The following PIP5K1A variants were observed in gnomAD, a reference collection of about 807,000 sequenced individuals.
The protein encoded by PIP5K1A is phosphatidylinositol-4-phosphate 5-kinase type 1 alpha.
Under a neutral mutation model 72.9 loss-of-function variants are expected in PIP5K1A, and 46 were observed. That is an observed-to-expected ratio of 0.63 (90% CI 0.50 to 0.81). The LOEUF is 0.81. Ranked by LOEUF, PIP5K1A falls within the 30% of genes least tolerant of loss-of-function variation. The probability of loss-of-function intolerance (pLI) is 0.00; values close to 1 mark genes in which losing one functional copy is unlikely to be tolerated. For missense variants in PIP5K1A, 458 were observed against 706.1 expected (o/e 0.65, Z 3.98); for synonymous variants, 228 against 255.1 (o/e 0.89, Z 1.01).
intron 12 of PIP5K1A, 87 bp downstream of exon 12, chr1:151,240,126 G>A: frequency 2.2e-6 from 2 of 911,428 alleles, no homozygotes; most frequent in Non-Finnish European, 3.6e-6. Flanking sequence ...CCTCTGGTAG[G>A]GAGCTGCCAA....
chr1:151,223,156 C>G (rs146498845), intron 1 of PIP5K1A, among the ~76,000 whole-genome samples: 2,921 of 151,266 alleles, frequency 0.019, 71 homozygotes, highest in African/African-American at 0.053. Flanking sequence ...TTCAAGACCA[C>G]CCTGGCCGAC....
At chr1:151,225,901 T>C (rs1276740659) in intron 3 of PIP5K1A, among the ~76,000 whole-genome samples, 10 of 149,778 alleles carry the variant, frequency 6.7e-5, no homozygotes, top group African/African-American at 2.5e-4. Flanking sequence ...CTCAGCCTCC[T>C]GAGTAGCTGG....
chr1:151,220,218 A>G (rs746440740), intron 1 of PIP5K1A, among the ~76,000 whole-genome samples: 60 of 151,590 alleles, frequency 4.0e-4, no homozygotes, highest in Admixed American at 2.0e-4. Flanking sequence ...GCTAGCCAGG[A>G]TGATCTCGAT....
upstream of PIP5K1A, among the ~76,000 whole-genome samples, chr1:151,196,598 AG>A (rs1467382982): frequency 1.6e-5 from 2 of 122,562 alleles, no homozygotes; most frequent in Non-Finnish European, 3.2e-5. Context: ...CTTGTTGCCC[AG>A]GCTGGAGTGC....
intron 1 of PIP5K1A, among the ~76,000 whole-genome samples, chr1:151,204,899 C>T (rs902978970): frequency 4.6e-5 from 7 of 152,160 alleles, no homozygotes; most frequent in African/African-American, 1.7e-4. Flanking sequence ...TGTACTTACA[C>T]GTTAGCGTTG....
chr1:151,215,201 G>GT (rs957831470), intron 1 of PIP5K1A, among the ~76,000 whole-genome samples: 7 of 149,280 alleles, frequency 4.7e-5, no homozygotes, highest in South Asian at 2.1e-4. Context: ...ATGCTAATTG[G>GT]TTTTTTTTGT....
intron 1 of PIP5K1A, among the ~76,000 whole-genome samples, chr1:151,219,414 C>T (rs1415405453): frequency 6.6e-6 from 1 of 151,420 alleles, no homozygotes; most frequent in Non-Finnish European, 1.5e-5. Flanking sequence ...AGGGCTGGCC[C>T]GGTGGCTCAT....
At chr1:151,229,167 CAA>C (rs34356281) in intron 4 of PIP5K1A, among the ~76,000 whole-genome samples, 370 of 41,316 alleles carry the variant, frequency 9.0e-3, no homozygotes, top group African/African-American at 0.023. Context: ...GACCCCGTCT[CAA>C]AAAAAAAAAA....
rs587617931 is a variant in PIP5K1A at position 151,224,060 on chromosome 1, A to G, written c.86-185A>G. The G allele has an allele frequency of 7.0e-5, 44 of 624,984 alleles. 3 individuals carry two copies. In the South Asian group the frequency reaches 8.1e-4, roughly 12 times the overall value. 38.7% of individuals were successfully genotyped at this position (624,984 alleles called of 1,614,324 possible). A position where few individuals can be genotyped will look rare whatever the true frequency, so the allele number is the denominator to read the frequency against. On this transcript the variant is annotated intron_variant, in intron 1 of 15. Transcript: ENST00000368888. ...TAAAAATGGAATATGCACGAGGCCT[A>G]TGTGAGTATGGAGAAGGAGAGAGGG...
chr1:151,239,808 G>A (rs1691430374), intron 11 of PIP5K1A, 147 bp from the exon 12 acceptor site: 4 of 654,046 alleles, frequency 6.1e-6, no homozygotes, highest in South Asian at 1.8e-5. Flanking sequence ...GATTACAGGT[G>A]TGAGCCACTA....
At chr1:151,203,061 C>T (rs913457645) in intron 1 of PIP5K1A, among the ~76,000 whole-genome samples, 17 of 152,092 alleles carry the variant, frequency 1.1e-4, no homozygotes, top group Admixed American at 2.6e-4. Flanking sequence ...CTTTAGCCGC[C>T]GCCGCTGGCC....
At chr1:151,204,479 T>C (rs1685669945) in intron 1 of PIP5K1A, among the ~76,000 whole-genome samples, 2 of 152,322 alleles carry the variant, frequency 1.3e-5, no homozygotes, top group South Asian at 4.1e-4. Context: ...GCCCGGCCTG[T>C]GGATGTTTTT....
rs368504215 is a variant in PIP5K1A at position 151,242,425 on chromosome 1, ATC to A, written c.1511-11_1511-10del. On this transcript the variant is annotated splice_polypyrimidine_tract_variant and intron_variant, in intron 13 of 15. Transcript: ENST00000368888. Reference sequence around the variant, plus strand: ...GTATTTACTGTACCCCATCTTCTCTATCTTTTTTCCAGGCGTTCACCTTGGTC... The same window carrying A: ...GTATTTACTGTACCCCATCTTCTCTATTTTTTCCAGGCGTTCACCTTGGTC... The A allele has an allele frequency of 7.8e-4, 1,257 of 1,613,828 alleles. 15 individuals carry two copies. The African/African-American group carries it at 0.015, about 20-fold the overall frequency.
rs758787188 is a variant in PIP5K1A at position 151,238,153 on chromosome 1, T to C, written c.1146-29T>C. On this transcript the variant is annotated intron_variant, in intron 9 of 15. Transcript: ENST00000368888. ...TCTGACTAAACTAGCCAACAGATTT[T>C]CTCACCCTTTCCTTTTTGCCTTTTC... 2.0e-6 allele frequency: 3 copies of C among 1,476,978 alleles called. No homozygotes were observed. The African/African-American group carries it at 4.2e-5, about 20-fold the overall frequency. The allele number at this position is 1,476,978 out of a possible 1,614,324, so 91.5% of individuals were successfully genotyped here.
At chr1:151,197,320 C>T (rs780698490), upstream of PIP5K1A, among the ~76,000 whole-genome samples, 15 of 152,084 alleles carry the variant, frequency 9.9e-5, no homozygotes, top group Non-Finnish European at 1.9e-4. Flanking sequence ...GCTCTGTCGT[C>T]CAGGCTAGAG....
intron 1 of PIP5K1A, among the ~76,000 whole-genome samples, chr1:151,214,226 A>G (rs1390314721): frequency 6.6e-6 from 1 of 152,190 alleles, no homozygotes; most frequent in African/African-American, 2.4e-5. Context: ...TTATATATAC[A>G]CTGCTGTAAT....
intron 1 of PIP5K1A, among the ~76,000 whole-genome samples, chr1:151,216,227 T>G (rs991827339): frequency 6.6e-5 from 10 of 151,770 alleles, no homozygotes; most frequent in African/African-American, 1.9e-4. Flanking sequence ...CGGGTGCCTG[T>G]AGTCCCAGCT....
At chr1:151,229,251 G>T (rs763946796) in intron 4 of PIP5K1A, among the ~76,000 whole-genome samples, 1 of 150,470 alleles carries the variant, frequency 6.6e-6, no homozygotes, top group Admixed American at 6.6e-5. Context: ...CAGTGGGTGC[G>T]TTGATGGCAC....
At chr1:151,198,412 A>T (rs1405283894), upstream of PIP5K1A, 1 of 263,808 alleles carries the variant, frequency 3.8e-6, no homozygotes, top group Admixed American at 5.2e-5. Context: ...GCGCGCGCAC[A>T]TCTTCCACCC....
Sources: allele counts gnomAD v4.1 joint callset (sites outside exome capture counted in the v4.1 genomes callset), GRCh38; gene constraint gnomAD v4.1.1; transcripts MANE v1.5; gene names NCBI Gene and HGNC (gene_info 2026-07-23, HGNC 2026-07-21).